MALRD1: variants seen among roughly 807,000 people sequenced by gnomAD.
MALRD1 encodes MAM and LDL-receptor class A domain-containing protein 1.
In MALRD1, 247 loss-of-function variants were observed where a neutral mutation model predicts 242.1. The observed-to-expected ratio is 1.02, with a 90% CI of 0.92 to 1.13. The LOEUF is 1.13. Among genes scored for constraint, MALRD1 ranks in the 50% most tolerant of loss-of-function variants. MALRD1 has a pLI of 0.00. For synonymous variants in MALRD1, 995 were observed against 866.6 expected, an observed-to-expected ratio of 1.15 and a Z score of -2.60; for missense variants, 2,989 against 2,533.1, an observed-to-expected ratio of 1.18 and a Z score of -3.86.
At chr10:19,211,940 T>A (rs1837090754) in intron 18 of MALRD1, among the ~76,000 whole-genome samples, 1 of 152,002 alleles carries the variant, frequency 6.6e-6, no homozygotes, top group Non-Finnish European at 1.5e-5. Flanking sequence ...TCATGTAAAA[T>A]GAAAGAAATA....
intron 33 of MALRD1, among the ~76,000 whole-genome samples, chr10:19,584,093 C>T (rs575387788): frequency 0.017 from 2,540 of 149,674 alleles, 32 homozygotes; most frequent in Non-Finnish European, 0.025. Flanking sequence ...TTTTTTATTG[C>T]GTCTATTTGA....
intron 14 of MALRD1, among the ~76,000 whole-genome samples, chr10:19,193,717 T>G (rs1165922283): frequency 6.6e-6 from 1 of 152,172 alleles, no homozygotes; most frequent in African/African-American, 2.4e-5. Flanking sequence ...GAGTTCCCTG[T>G]GAATTTTAAG....
At chr10:19,472,757 A>G (rs1045447523) in intron 29 of MALRD1, among the ~76,000 whole-genome samples, 6 of 151,718 alleles carry the variant, frequency 4.0e-5, no homozygotes, top group Non-Finnish European at 7.4e-5. Flanking sequence ...GTCATTTATA[A>G]TATTATTTAT....
At chr10:19,617,033 G>C (rs1488536566) in intron 36 of MALRD1, among the ~76,000 whole-genome samples, 1 of 151,940 alleles carries the variant, frequency 6.6e-6, no homozygotes, top group Non-Finnish European at 1.5e-5. Flanking sequence ...AAAGAAGTTT[G>C]AATGATGCCA....
intron 32 of MALRD1, among the ~76,000 whole-genome samples, chr10:19,550,536 C>T (rs1362424105): frequency 6.6e-6 from 1 of 152,054 alleles, no homozygotes; most frequent in Admixed American, 6.6e-5. Flanking sequence ...GTGGGTTCCC[C>T]TCTATGTGTC....
At position 19,238,725 on chromosome 10, in the gene MALRD1, T is replaced by C. The variant is rs1392305159; in HGVS notation, c.2992-18959T>C. ...TCATTTCCTATGGATATATACCCAGTAGTGGGATTGCTGGGTTATGTGATC... is the reference window on the plus strand; with the variant it reads ...TCATTTCCTATGGATATATACCCAGCAGTGGGATTGCTGGGTTATGTGATC... On this transcript the variant is annotated intron_variant, in intron 18 of 39. Transcript: ENST00000454679. Among the ~76,000 whole-genome samples the C allele has an allele frequency of 2.0e-5, 3 of 149,744 alleles. No individual in the cohort carries two copies. The Admixed American group carries it at 2.0e-4, about 10-fold the overall frequency.
chr10:19,244,075 A>G (rs1838929123), intron 18 of MALRD1, among the ~76,000 whole-genome samples: 1 of 152,190 alleles, frequency 6.6e-6, no homozygotes, highest in South Asian at 2.1e-4. Context: ...TCATACTCTT[A>G]TCTAAAGATA....
chr10:19,494,133 T>G (rs1837614238), intron 30 of MALRD1, among the ~76,000 whole-genome samples: 1 of 152,154 alleles, frequency 6.6e-6, no homozygotes, highest in African/African-American at 2.4e-5. Context: ...TAGCGCCACA[T>G]GCTGGCTGGA....
At chr10:19,606,845 C>G (rs983579923) in intron 34 of MALRD1, among the ~76,000 whole-genome samples, 1 of 152,080 alleles carries the variant, frequency 6.6e-6, no homozygotes, top group Admixed American at 6.6e-5. Context: ...TTAACTCTAA[C>G]ACATAAAACC....
At chr10:19,499,675 C>A (rs1837884315) in intron 31 of MALRD1, among the ~76,000 whole-genome samples, 1 of 152,144 alleles carries the variant, frequency 6.6e-6, no homozygotes. Context: ...CTAACCAATA[C>A]AATATTCTTC....
At chr10:19,414,463 C>T (rs1371561855) in intron 28 of MALRD1, among the ~76,000 whole-genome samples, 4 of 152,092 alleles carry the variant, frequency 2.6e-5, no homozygotes, top group Non-Finnish European at 5.9e-5. Flanking sequence ...ACTTAGGAAA[C>T]TCAGGAAGAT....
At chr10:19,275,035 A>G (rs1036833498) in intron 19 of MALRD1, among the ~76,000 whole-genome samples, 19 of 152,214 alleles carry the variant, frequency 1.2e-4, no homozygotes, top group African/African-American at 3.4e-4. Flanking sequence ...GTGAAGGGGT[A>G]GAAAGAGGAA....
intron 31 of MALRD1, among the ~76,000 whole-genome samples, chr10:19,522,408 T>C (rs1305740769): frequency 6.6e-6 from 1 of 152,120 alleles, no homozygotes; most frequent in Non-Finnish European, 1.5e-5. Context: ...AGGACTAAGA[T>C]TGTATTTACT....
chr10:19,516,943 A>C (rs1162974480), intron 31 of MALRD1, among the ~76,000 whole-genome samples: 1 of 152,168 alleles, frequency 6.6e-6, no homozygotes, highest in Non-Finnish European at 1.5e-5. Flanking sequence ...CCAAGAAAGA[A>C]CGGCATAGCT....
intron 5 of MALRD1, among the ~76,000 whole-genome samples, chr10:19,116,140 A>T (rs1049640569): frequency 2.0e-5 from 3 of 152,208 alleles, no homozygotes; most frequent in Non-Finnish European, 4.4e-5. Context: ...ATGAAAAAAA[A>T]ATCAAGCCTT....
chr10:19,539,971 G>A (rs1024949352), intron 32 of MALRD1, among the ~76,000 whole-genome samples: 1 of 151,494 alleles, frequency 6.6e-6, no homozygotes, highest in African/African-American at 2.4e-5. Flanking sequence ...TTGAACTCCT[G>A]AGCTCAAGTG....
chr10:19,239,957 C>T (rs1838684119), intron 18 of MALRD1, among the ~76,000 whole-genome samples: 2 of 152,022 alleles, frequency 1.3e-5, no homozygotes, highest in African/African-American at 4.8e-5. Flanking sequence ...GTTATTTTTG[C>T]ACAGGATTGC....
intron 28 of MALRD1, among the ~76,000 whole-genome samples, chr10:19,389,837 A>G (rs1049466305): frequency 3.9e-5 from 6 of 152,142 alleles, no homozygotes; most frequent in African/African-American, 1.4e-4. Context: ...ATAATTTTAT[A>G]TTTTTTGTAG....
At chr10:19,514,943 C>G (rs1352836777) in intron 31 of MALRD1, among the ~76,000 whole-genome samples, 1 of 151,942 alleles carries the variant, frequency 6.6e-6, no homozygotes, top group Non-Finnish European at 1.5e-5. Flanking sequence ...AAAAATAATT[C>G]CCTTCTAATT....
Sources: gnomAD v4.1 joint callset for allele counts (sites outside exome capture counted in the v4.1 genomes callset) on GRCh38, gnomAD v4.1.1 for gene constraint, MANE v1.5 for transcripts, NCBI Gene and HGNC (gene_info 2026-07-23, HGNC 2026-07-21) for gene names.